Variants in BABAM2 observed in about 807,000 individuals in gnomAD.
The protein encoded by BABAM2 is BRISC and BRCA1 A complex member 2, also known as BRISC and BRCA1-A complex member 2.
BABAM2 carries 31 observed loss-of-function variants against 54.7 expected under a neutral mutation model. The ratio of observed to expected loss-of-function variants is 0.57; its 90% CI spans 0.43 to 0.77. The LOEUF (loss-of-function observed/expected upper bound fraction) is 0.77, where lower values mean the gene tolerates loss of function less well. Ranked by LOEUF, BABAM2 falls within the 30% of genes least tolerant of loss-of-function variation. The probability of loss-of-function intolerance (pLI) is 0.00; values close to 1 mark genes in which losing one functional copy is unlikely to be tolerated. For missense variants in BABAM2, 364 were observed against 455.8 expected (o/e 0.80, Z 1.83); for synonymous variants, 167 against 162.9 (o/e 1.03, Z -0.19).
intron 7 of BABAM2, among the ~76,000 whole-genome samples, chr2:28,138,505 CA>C (rs1298164898): frequency 6.6e-6 from 1 of 152,164 alleles, no homozygotes; most frequent in Non-Finnish European, 1.5e-5. Context: ...TCCCCTAAAG[CA>C]ATTCCTAAAC....
intron 10 of BABAM2, among the ~76,000 whole-genome samples, chr2:28,265,677 T>C (rs1684922083): frequency 6.6e-6 from 1 of 152,152 alleles, no homozygotes; most frequent in Non-Finnish European, 1.5e-5. Context: ...ACTCTAGTGA[T>C]AACACTCAGC....
At chr2:28,130,833 G>A (rs546779774) in intron 7 of BABAM2, among the ~76,000 whole-genome samples, 1 of 152,050 alleles carries the variant, frequency 6.6e-6, no homozygotes, top group Admixed American at 6.6e-5. Context: ...TCCACCTTCT[G>A]GGTTCAAGTG....
intron 4 of BABAM2, among the ~76,000 whole-genome samples, chr2:28,006,831 G>T (rs1277877005): frequency 6.6e-6 from 1 of 151,966 alleles, no homozygotes; most frequent in Non-Finnish European, 1.5e-5. Context: ...TATATTTAAT[G>T]TGTGTATATT....
At chr2:28,303,641 A>G (rs1487417704) in intron 11 of BABAM2, among the ~76,000 whole-genome samples, 1 of 152,074 alleles carries the variant, frequency 6.6e-6, no homozygotes, top group African/African-American at 2.4e-5. Context: ...TGTTTTGGCT[A>G]TTCTAGGTCC....
chr2:27,911,886 G>A lies in BABAM2; in HGVS notation c.128+17202G>A, dbSNP rs148910418. On this transcript the variant is annotated intron_variant, in intron 2 of 11. Coordinates refer to ENST00000379624, the MANE Select transcript of BABAM2 (RefSeq NM_199191.3). ...TGTTGAGATAGAATAGGAATAGGAC[G>A]TGCCTCCTCCAAGTATTTTTCCTTT... Among the ~76,000 whole-genome samples, 607 of 152,248 alleles carry A rather than the reference G, an allele frequency of 4.0e-3. 7 individuals carry two copies. The highest frequency in any genetic ancestry group is 0.014 in the African/African-American group (585 of 41,544).
At chr2:28,100,962 A>C (rs541445825) in intron 6 of BABAM2, among the ~76,000 whole-genome samples, 44 of 152,332 alleles carry the variant, frequency 2.9e-4, no homozygotes, top group Non-Finnish European at 5.9e-4. Flanking sequence ...CATACAGAGA[A>C]GGCAACAGAT....
rs773138378 is a variant in BABAM2, at chr2:28,227,376, A to G, written c.681-9826A>G. Among the ~76,000 whole-genome samples the G allele has an allele frequency of 3.0e-4, 45 of 152,212 alleles. 1 individual carries two copies. Among genetic ancestry groups the G allele is most frequent in the Middle Eastern group, 6.8e-3 (2 of 294 alleles). ...AGCTGCTCGGTGTGGTGCAGGACGC[A>G]TGGTCTGCTGTCCACATTGAGAACC... On this transcript the variant is annotated intron_variant, in intron 7 of 11. Transcript: ENST00000379624.
At chr2:28,079,708 T>C (rs1664998058) in intron 6 of BABAM2, among the ~76,000 whole-genome samples, 1 of 152,172 alleles carries the variant, frequency 6.6e-6, no homozygotes, top group African/African-American at 2.4e-5. Context: ...ACAGTGCTTA[T>C]TAAGGAACAT....
At position 27,921,922 on chromosome 2, in the gene BABAM2, CTTG is replaced by C. The variant is rs987956377; in HGVS notation, c.129-7901_129-7899del. 5.9e-5 allele frequency among the ~76,000 whole-genome samples: 9 copies of C among 152,162 alleles called. No individual in the cohort carries two copies. In the East Asian group the frequency reaches 1.5e-3, roughly 26 times the overall value. On this transcript the variant is annotated intron_variant, in intron 2 of 11. Transcript: ENST00000379624. ...CCAGTTAAATCAACAGTCTTTTTTTCTTGTTGTTGTTTTTAATCATGAAAAGAG... is the reference window on the plus strand; with the variant it reads ...CCAGTTAAATCAACAGTCTTTTTTTCTTGTTGTTTTTAATCATGAAAAGAG...
chr2:28,304,898 G>A lies in BABAM2; in HGVS notation c.1088+6407G>A, dbSNP rs1425741365. Among the ~76,000 whole-genome samples, 1 of 149,406 alleles carries A rather than the reference G, an allele frequency of 6.7e-6. No homozygotes were observed. ...TCACCATGTGGCCCAGGCTGGTCTT[G>A]AACTCCTGAGCTCAGGCAATCCACC... On this transcript the variant is annotated intron_variant, in intron 11 of 11. Transcript: ENST00000379624. This position sits in a 1 kb window ranked among gnomAD's most constrained non-coding sequence, Gnocchi z 4.0.
intron 3 of BABAM2, among the ~76,000 whole-genome samples, chr2:27,985,926 C>T (rs1213530850): frequency 6.6e-6 from 1 of 152,044 alleles, no homozygotes; most frequent in African/African-American, 2.4e-5. Context: ...CGTAATTAGT[C>T]AGGATTTTAA....
At chr2:28,248,207 C>CTT (rs780563394) in intron 10 of BABAM2, among the ~76,000 whole-genome samples, 1 of 54,306 alleles carries the variant, frequency 1.8e-5, no homozygotes, top group African/African-American at 6.7e-5. Context: ...TTTTCTTTTT[C>CTT]TTTTTTTTTT....
At chr2:28,013,089 G>A (rs949350314) in intron 4 of BABAM2, among the ~76,000 whole-genome samples, 3 of 152,144 alleles carry the variant, frequency 2.0e-5, no homozygotes, top group African/African-American at 7.2e-5. Flanking sequence ...AGCAATTTCT[G>A]ATGGGCAAGA....
chr2:27,993,231 G>A (rs1672902300), intron 4 of BABAM2, among the ~76,000 whole-genome samples: 2 of 152,158 alleles, frequency 1.3e-5, no homozygotes, highest in South Asian at 2.1e-4. Flanking sequence ...TCAGGAGAGA[G>A]TGGAATTTGT....
chr2:28,138,489 G>A (rs939086736), intron 7 of BABAM2, among the ~76,000 whole-genome samples: 2 of 152,154 alleles, frequency 1.3e-5, no homozygotes, highest in Non-Finnish European at 2.9e-5. Flanking sequence ...GGAGAGTAAC[G>A]CACCTTCCCC....
At chr2:28,295,565 G>A (rs887233923) in intron 10 of BABAM2, among the ~76,000 whole-genome samples, 1 of 151,826 alleles carries the variant, frequency 6.6e-6, no homozygotes, top group Non-Finnish European at 1.5e-5. Flanking sequence ...GCGCTGTCTC[G>A]GCTCACTGCA....
intron 11 of BABAM2, among the ~76,000 whole-genome samples, chr2:28,317,730 C>G (rs1474621737): frequency 6.6e-6 from 1 of 152,226 alleles, no homozygotes; most frequent in Non-Finnish European, 1.5e-5. Flanking sequence ...GTTTGACTAG[C>G]TGCTGACTGG....
At chr2:28,187,905 C>T (rs888803885) in intron 7 of BABAM2, among the ~76,000 whole-genome samples, 1 of 151,906 alleles carries the variant, frequency 6.6e-6, no homozygotes, top group Non-Finnish European at 1.5e-5. Flanking sequence ...TGACCTCAGG[C>T]GATCTGCCCA....
intron 10 of BABAM2, among the ~76,000 whole-genome samples, chr2:28,274,554 T>C (rs1685706079): frequency 6.6e-6 from 1 of 152,106 alleles, no homozygotes; most frequent in Non-Finnish European, 1.5e-5. Context: ...CAACCCCCTA[T>C]GCCAGTAGCT....
Sources: allele counts gnomAD v4.1 joint callset (sites outside exome capture counted in the v4.1 genomes callset), GRCh38; gene constraint gnomAD v4.1.1; non-coding constraint Gnocchi (gnomAD v3.1); transcripts MANE v1.5; gene names NCBI Gene and HGNC (gene_info 2026-07-23, HGNC 2026-07-21).